Variants in VDAC1 observed in about 807,000 individuals in gnomAD.
The protein encoded by VDAC1 is voltage dependent anion channel 1.
Under a neutral mutation model 34.7 loss-of-function variants are expected in VDAC1, and 10 were observed. That is an observed-to-expected ratio of 0.29 (90% CI 0.18 to 0.49). The LOEUF (loss-of-function observed/expected upper bound fraction) is 0.49, where lower values mean the gene tolerates loss of function less well. Ranked by LOEUF, VDAC1 falls within the 20% of genes least tolerant of loss-of-function variation. The pLI, the probability that VDAC1 is intolerant of heterozygous loss-of-function variation, is 0.99. For synonymous variants in VDAC1, 130 were observed against 136.0 expected (o/e 0.96, Z 0.30); for missense variants, 230 against 347.9 (o/e 0.66, Z 2.69).
upstream of VDAC1, among the ~76,000 whole-genome samples, chr5:134,006,331 G>A (rs1432643904): frequency 1.3e-5 from 2 of 152,148 alleles, no homozygotes; most frequent in East Asian, 1.9e-4. Context: ...GGGACAAGGC[G>A]GGGCTCCAGG....
intron 6 of VDAC1, among the ~76,000 whole-genome samples, chr5:133,979,605 T>C (rs1230952468): frequency 6.6e-6 from 1 of 151,980 alleles, no homozygotes; most frequent in East Asian, 1.9e-4. Context: ...AATTTTTGTA[T>C]TTTTAGTAGA....
At chr5:134,062,068 T>C in the VDAC1 span, among the ~76,000 whole-genome samples, 1 of 151,580 alleles carries the variant, frequency 6.6e-6, no homozygotes, top group Non-Finnish European at 1.5e-5. Context: ...AGCCTCTGCC[T>C]CCCAGGTTCC....
chr5:134,030,165 AC>A, the VDAC1 span, among the ~76,000 whole-genome samples: 2 of 151,964 alleles, frequency 1.3e-5, no homozygotes, highest in African/African-American at 2.4e-5. Flanking sequence ...ACATGGAGAA[AC>A]CCTATCTCTA....
chr5:134,056,434 ATTTTTTTT>A, the VDAC1 span, among the ~76,000 whole-genome samples: 13 of 118,672 alleles, frequency 1.1e-4, 1 homozygote, highest in South Asian at 2.5e-4. Flanking sequence ...GCTGCACTGA[ATTTTTTTT>A]TTTTTTTTTT....
chr5:134,008,751 T>C (rs1753791879), upstream of VDAC1, among the ~76,000 whole-genome samples: 1 of 152,216 alleles, frequency 6.6e-6, no homozygotes, highest in South Asian at 2.1e-4. Context: ...GCAGAAATGG[T>C]AGTCATTTAT....
the VDAC1 span, among the ~76,000 whole-genome samples, chr5:134,055,065 G>T: frequency 2.6e-5 from 4 of 152,218 alleles, no homozygotes; most frequent in African/African-American, 7.2e-5. Context: ...AGCAAAGAAG[G>T]CAGGATGGCT....
the VDAC1 span, among the ~76,000 whole-genome samples, chr5:134,067,140 A>G: frequency 2.7e-5 from 4 of 150,864 alleles, no homozygotes; most frequent in Non-Finnish European, 4.4e-5. Context: ...CAATGGCACA[A>G]TTTCAGCTCA....
intron 8 of VDAC1, 69 bp downstream of exon 8, chr5:133,973,720 CAT>C (rs1752380411): frequency 2.1e-6 from 3 of 1,404,418 alleles, no homozygotes; most frequent in South Asian, 2.4e-5. Context: ...TAAGCAATGA[CAT>C]AAATCAGCAA....
At chr5:134,050,185 G>T in the VDAC1 span, among the ~76,000 whole-genome samples, 1 of 152,084 alleles carries the variant, frequency 6.6e-6, no homozygotes, top group South Asian at 2.1e-4. Context: ...GGAGGTGGAG[G>T]TTGCAGTGAG....
chr5:134,046,875 C>T, the VDAC1 span, among the ~76,000 whole-genome samples: 1 of 152,218 alleles, frequency 6.6e-6, no homozygotes, highest in African/African-American at 2.4e-5. Flanking sequence ...TCGATCTTCT[C>T]ATCTGTAAAG....
At chr5:133,976,554 C>A (rs1752489080) in intron 6 of VDAC1, among the ~76,000 whole-genome samples, 1 of 151,790 alleles carries the variant, frequency 6.6e-6, no homozygotes, top group Non-Finnish European at 1.5e-5. Context: ...GTGACTCACG[C>A]CTGTAATCCT....
the VDAC1 span, among the ~76,000 whole-genome samples, chr5:134,060,365 C>T: frequency 2.6e-5 from 4 of 151,910 alleles, no homozygotes; most frequent in Non-Finnish European, 1.5e-5. Context: ...CAGGAAGGTG[C>T]TCAGGAAATA....
At chr5:133,995,108 C>T (rs1324765210) in intron 1 of VDAC1, among the ~76,000 whole-genome samples, 1 of 152,144 alleles carries the variant, frequency 6.6e-6, no homozygotes, top group Admixed American at 6.5e-5. Context: ...CAAAAAACAC[C>T]CCACCCACAG....
chr5:134,065,150 G>A, the VDAC1 span, among the ~76,000 whole-genome samples: 1 of 151,556 alleles, frequency 6.6e-6, no homozygotes, highest in Non-Finnish European at 1.5e-5. Context: ...ATTCTTTAAA[G>A]GATATAAATT....
At position 133,972,115 on chromosome 5, in the gene VDAC1, T is replaced by G. The variant is rs1205550390; in HGVS notation, c.*656A>C. On this transcript the variant is annotated 3_prime_UTR_variant, in exon 9 of 9. Coordinates refer to ENST00000265333, the MANE Select transcript of VDAC1 (RefSeq NM_003374.3). ...CATGTGATTACAATCACACAGACAC[T>G]TCCAAGCTTATAGCTGGAGCTCCTG... 1.3e-5 allele frequency: 2 copies of G among 152,930 alleles called. No homozygotes were observed. Among genetic ancestry groups the G allele is most frequent in the African/African-American group, 4.8e-5 (2 of 41,430 alleles). The allele number at this position is 152,930 out of a possible 1,614,324, so 9.5% of individuals were successfully genotyped here.
the VDAC1 span, among the ~76,000 whole-genome samples, chr5:134,111,637 G>T: frequency 2.0e-5 from 3 of 152,142 alleles, no homozygotes; most frequent in Admixed American, 6.5e-5. Flanking sequence ...CCACCAAGAT[G>T]ATTCCCTAAT....
chr5:134,068,281 C>G, the VDAC1 span, among the ~76,000 whole-genome samples: 1 of 151,918 alleles, frequency 6.6e-6, no homozygotes, highest in Non-Finnish European at 1.5e-5. Flanking sequence ...GAGATTTACC[C>G]AACATATATT....
intron 4 of VDAC1, 21 bp downstream of exon 4, chr5:133,990,981 T>C (rs2126971677): frequency 6.2e-7 from 1 of 1,612,908 alleles, no homozygotes; most frequent in East Asian, 2.2e-5. Flanking sequence ...TAAATCCACA[T>C]CTTTTCACAG....
At chr5:133,983,048 G>A (rs959443301) in intron 5 of VDAC1, among the ~76,000 whole-genome samples, 10 of 150,918 alleles carry the variant, frequency 6.6e-5, no homozygotes, top group Admixed American at 6.0e-4. Flanking sequence ...TCGGGAGTTC[G>A]AGCCCAGCCT....
Sources: gnomAD v4.1 joint callset for allele counts (sites outside exome capture counted in the v4.1 genomes callset) on GRCh38, gnomAD v4.1.1 for gene constraint, MANE v1.5 for transcripts, NCBI Gene and HGNC (gene_info 2026-07-23, HGNC 2026-07-21) for gene names.